The following COL20A1 variants were observed in gnomAD, a reference collection of about 807,000 sequenced individuals.
COL20A1 encodes the protein collagen alpha-1(XX) chain.
A neutral mutation model predicts 152.9 loss-of-function variants in COL20A1; 164 were observed. That is an observed-to-expected ratio of 1.07 (90% CI 0.94 to 1.22). The LOEUF (loss-of-function observed/expected upper bound fraction) is 1.22. COL20A1 is among the 50% of genes most tolerant of loss of function. The probability of loss-of-function intolerance (pLI) is 0.00; values close to 1 mark genes in which losing one functional copy is unlikely to be tolerated. For synonymous variants in COL20A1, 864 were observed against 756.0 expected (o/e 1.14, Z -2.34); for missense variants, 1,873 against 1,744.8 (o/e 1.07, Z -1.31).
Position 63,328,320 on chromosome 20 carries a change from C to T in COL20A1, c.3614-11C>T. 1.9e-6 allele frequency: 3 copies of T among 1,605,768 alleles called. No individual in the cohort carries two copies. The highest frequency in any genetic ancestry group is 1.3e-5 in the African/African-American group (1 of 74,926). On this transcript the variant is annotated splice_polypyrimidine_tract_variant and intron_variant, in intron 33 of 35. Transcript: ENST00000358894. ...CCCACTGTGTCCTGCTGACACCCCT[C>T]CTCCCCACAGCACACGTGTCAAAGT...
chr20:63,319,310 G>GC lies in COL20A1; in HGVS notation c.2806+111dup. On this transcript the variant is annotated intron_variant, in intron 22 of 35. Transcript: ENST00000358894. The surrounding 1 kb of genome is among the most constrained non-coding windows in gnomAD (Gnocchi z 4.4). ...GTCCAGCCTCCAGGCCAGGCCCTCA[G>GC]CACCCTCTGGGTGGGAGGCAGGTGT... 7.9e-7 allele frequency: 1 copy of GC among 1,265,958 alleles called. No individual in the cohort carries two copies. Among genetic ancestry groups the GC allele is most frequent in the Non-Finnish European group, 1.1e-6 (1 of 919,746 alleles). The allele number at this position is 1,265,958 out of a possible 1,614,324, so 78.4% of individuals were successfully genotyped here.
intron 2 of COL20A1, among the ~76,000 whole-genome samples, chr20:63,297,275 TAGCTC>T (rs1216047608): frequency 7.3e-6 from 1 of 137,538 alleles, no homozygotes; most frequent in South Asian, 2.4e-4. Context: ...CCAGGGGACT[TAGCTC>T]AGGGGACCCA....
rs1399293689 is a variant in COL20A1 at position 63,319,595 on chromosome 20, A to G, written c.2915A>G (p.Lys972Arg). 1 of 1,570,258 alleles carries G rather than the reference A, an allele frequency of 6.4e-7. No individual in the cohort carries two copies. ...VRKIFFGSFHKVHVAVGRSKV... is the reference protein window; with the variant it reads ...VRKIFFGSFHRVHVAVGRSKV... ...AAGATTTTCTTCGGGAGCTTCCACA[A>G]GGTCCTGGTGCAGCTCGCGCCCCTC... is the stretch of plus-strand genomic sequence containing the variant. The change falls in exon 23 of 36, where the codon AAG becomes AGG. Residue 972 changes from lysine to arginine, a missense_variant and splice_region_variant. By Grantham distance (26) the Lys-to-Arg change is conservative (BLOSUM62 2). Transcript: ENST00000358894. The surrounding 1 kb of genome is among the most constrained non-coding windows in gnomAD (Gnocchi z 4.4).
chr20:63,327,026 GGGACTTCCTGGTGACAGCCCAT>G (rs1236502738), intron 31 of COL20A1, among the ~76,000 whole-genome samples: 12 of 152,104 alleles, frequency 7.9e-5, no homozygotes, highest in Admixed American at 2.0e-4. Flanking sequence ...GACCCCCCTA[GGGACTTCCTGGTGACAGCCCAT>G]GGACTTCCTG....
intron 34 of COL20A1, among the ~76,000 whole-genome samples, chr20:63,328,945 C>T (rs1427063780): frequency 1.3e-5 from 2 of 152,170 alleles, no homozygotes; most frequent in African/African-American, 2.4e-5. Context: ...TGCTCCTCCT[C>T]CTCTGAGGCA....
Position 63,326,823 on chromosome 20 carries a change from A to G in COL20A1, c.3528A>G (p.Thr1176=). Residue 1176 remains threonine, a splice_region_variant and synonymous_variant, in exon 31 of 36, where the codon ACA becomes ACG. Transcript: ENST00000358894. ...ERGPPGTVGP[T]GLPGPKGERG... Reference sequence around the variant, plus strand: ...GACCTCCAGGGACCGTGGGGCCCACAGTAAGTGCATTTCCAACACCCACCA... The same window carrying G: ...GACCTCCAGGGACCGTGGGGCCCACGGTAAGTGCATTTCCAACACCCACCA... 2 of 1,499,282 alleles carry G rather than the reference A, an allele frequency of 1.3e-6. No individual in the cohort carries two copies. The highest frequency in any genetic ancestry group is 1.8e-6 in the Non-Finnish European group (2 of 1,135,766). The allele number at this position is 1,499,282 out of a possible 1,614,324, so 92.9% of individuals were successfully genotyped here.
chr20:63,294,560 C>T (rs926457558), intron 1 of COL20A1, among the ~76,000 whole-genome samples: 19 of 152,222 alleles, frequency 1.2e-4, no homozygotes, highest in African/African-American at 4.6e-4. Flanking sequence ...CCCCGGCTGG[C>T]GTCCCCCAGA....
rs763108092 is a variant in COL20A1 at position 63,320,092 on chromosome 20, G to A, written c.2970G>A (p.Lys990=). The A allele has an allele frequency of 1.0e-5, 16 of 1,554,886 alleles. No homozygotes were observed. The highest frequency in any genetic ancestry group is 1.2e-5 in the Non-Finnish European group (14 of 1,150,090). The change falls in exon 24 of 36, where the codon AAG becomes AAA. Residue 990 remains lysine, a synonymous_variant. Coordinates refer to ENST00000358894, the MANE Select transcript of COL20A1 (RefSeq NM_020882.4). The stretch of plus-strand genomic sequence containing the variant: ...TCAGGCTCTATGTGGACTGCCGGAA[G>A]GTGGCTGAGCGGCCCCTTGGGGAGA... The part of the protein sequence containing the change: ...SKVRLYVDCR[K]VAERPLGEMG...
Position 63,319,622 on chromosome 20 carries a change from C to T in COL20A1, c.2916+26C>T. 3 of 1,486,888 alleles carry T rather than the reference C, an allele frequency of 2.0e-6. No homozygotes were observed. Among genetic ancestry groups the T allele is most frequent in the Middle Eastern group, 1.8e-4 (1 of 5,548 alleles). 92.1% of individuals were successfully genotyped at this position (1,486,888 alleles called of 1,614,324 possible). On this transcript the variant is annotated intron_variant, in intron 23 of 35. Transcript: ENST00000358894. The surrounding 1 kb of genome is among the most constrained non-coding windows in gnomAD (Gnocchi z 4.4). ...GTCCTGGTGCAGCTCGCGCCCCTCT[C>T]CCCCGTTCCCCCAGCTCTGGGGCAG...
At position 63,307,854 on chromosome 20, in the gene COL20A1, A is replaced by G. The variant is rs190685908; in HGVS notation, c.656-117A>G. ...AGCGTCCTCTCCCTGGGGACTGGCTACTGTGGCCAGGTGACCCCACAGAGG... is the reference window on the plus strand; with the variant it reads ...AGCGTCCTCTCCCTGGGGACTGGCTGCTGTGGCCAGGTGACCCCACAGAGG... On this transcript the variant is annotated intron_variant, in intron 6 of 35. Transcript: ENST00000358894. The G allele has an allele frequency of 3.1e-3, 4,109 of 1,319,914 alleles. 9 individuals are homozygous for G. The highest frequency in any genetic ancestry group is 3.6e-3 in the Non-Finnish European group (3,391 of 953,788). 81.8% of individuals were successfully genotyped at this position (1,319,914 alleles called of 1,614,324 possible).
In COL20A1 at chr20:63,312,927, C is replaced by A; in HGVS notation, c.2069C>A (p.Ala690Asp). 6.4e-7 allele frequency: 1 copy of A among 1,551,734 alleles called. No individual in the cohort carries two copies. Among genetic ancestry groups the A allele is most frequent in the Non-Finnish European group, 8.7e-7 (1 of 1,146,364 alleles). ...ITWTPLGEGKAHEISVPGNLG... is the reference protein window; with the variant it reads ...ITWTPLGEGKDHEISVPGNLG... ...TGGACGCCCCTGGGAGAGGGGAAGG[C>A]TCACGAGGTGGGCAGGGGTGGGTTT... is the stretch of plus-strand genomic sequence containing the variant. Residue 690 changes from alanine (A) to aspartate (D), a missense_variant, in exon 16 of 36, where the codon GCT becomes GAT. By Grantham distance (126) the Ala-to-Asp change is moderately radical. Transcript: ENST00000358894.
Position 63,329,569 on chromosome 20 carries a change from C to T in COL20A1, c.3782-16C>T, listed in dbSNP as rs2068304302. The stretch of plus-strand genomic sequence containing the variant: ...CTGCATTGCTCCGTCCTCACATGCC[C>T]TCCCTTTCCTCGCAGGGGAGCCTGG... On this transcript the variant is annotated splice_polypyrimidine_tract_variant and intron_variant, in intron 34 of 35. Coordinates refer to ENST00000358894, the MANE Select transcript of COL20A1 (RefSeq NM_020882.4). 3 of 1,606,296 alleles carry T rather than the reference C, an allele frequency of 1.9e-6. No homozygotes were observed. The highest frequency in any genetic ancestry group is 2.2e-5 in the East Asian group (1 of 44,650).
intron 29 of COL20A1, 114 bp downstream of exon 29, chr20:63,325,835 C>T (rs992028144): frequency 3.3e-5 from 32 of 981,298 alleles, no homozygotes; most frequent in Non-Finnish European, 4.8e-5. Flanking sequence ...TTCTCCTGGG[C>T]TCCTGCCTCA....
rs1380750989 is a variant in COL20A1 at position 63,317,145 on chromosome 20, C to CGTGACCA, written c.2663+454_2663+455insGTGACCA. 2.6e-5 allele frequency among the ~76,000 whole-genome samples: 4 copies of CGTGACCA among 152,076 alleles called. No individual in the cohort carries two copies. The South Asian group carries it at 6.2e-4, about 24-fold the overall frequency. On this transcript the variant is annotated intron_variant, in intron 21 of 35. Transcript: ENST00000358894. ...AACAGTTGTTCATCGTGACCCTGAA[C>CGTGACCA]TGTGATATAAGCTGCATGACAGTTT...
chr20:63,309,381 C>G lies in COL20A1; in HGVS notation c.989C>G (p.Pro330Arg). 1 of 1,548,902 alleles carries G rather than the reference C, an allele frequency of 6.5e-7. No individual in the cohort carries two copies. The highest frequency in any genetic ancestry group is 8.7e-7 in the Non-Finnish European group (1 of 1,143,148). The part of the protein sequence containing the change: ...EAELRLLASP[P>R]RDITVHSVLD... Reference sequence around the variant, plus strand: ...GAGCTGAGGCTCCTGGCGTCCCCGCCGAGGGACATCACCGTCCACAGCGTG... The same window carrying G: ...GAGCTGAGGCTCCTGGCGTCCCCGCGGAGGGACATCACCGTCCACAGCGTG... The change falls in exon 9 of 36, where the codon CCG becomes CGG. Residue 330 changes from proline (P) to arginine (R), a missense_variant. By Grantham distance (103) the Pro-to-Arg change is moderately radical. Coordinates refer to ENST00000358894, the MANE Select transcript of COL20A1 (RefSeq NM_020882.4).
rs768048236 is a variant in COL20A1 at position 63,311,972 on chromosome 20, C to T, written c.1720C>T (p.Arg574Ter). The T allele has an allele frequency of 1.0e-5, 16 of 1,600,792 alleles. No individual in the cohort carries two copies. Among genetic ancestry groups the T allele is most frequent in the Non-Finnish European group, 1.3e-5 (15 of 1,175,376 alleles). The part of the protein sequence containing the change: ...GFSDVSHDAA[R>*]VFWEGAPRPV... ...CTCAGACGTGAGCCACGACGCGGCA[C>T]GAGTGTTCTGGGAGGGTGCCCCGAG... is the stretch of plus-strand genomic sequence containing the variant. The change falls in exon 14 of 36, where the codon CGA (arginine) becomes TGA (stop). Residue 574 changes from arginine (R) to a stop codon, truncating the protein, a stop_gained. Transcript: ENST00000358894. LOFTEE classifies it high-confidence loss of function. The surrounding 1 kb of genome is among the most constrained non-coding windows in gnomAD (Gnocchi z 4.4).
chr20:63,325,441 G>A lies in COL20A1; in HGVS notation c.3295G>A (p.Gly1099Ser). Residue 1099 changes from glycine (G) to serine (S), a missense_variant and splice_region_variant, in exon 28 of 36, where the codon GGT (glycine) becomes AGT (serine). Coordinates refer to ENST00000358894, the MANE Select transcript of COL20A1 (RefSeq NM_020882.4). ...TGTCCAGCCCATCTTCCCCCTCCAGGGTCCACCAGGGGTCAAAGGAGAGAA... is the reference window on the plus strand; with the variant it reads ...TGTCCAGCCCATCTTCCCCCTCCAGAGTCCACCAGGGGTCAAAGGAGAGAA... ...PGEQGFPGPR[G>S]PPGVKGEKGD... is the part of the protein sequence containing the mutation. 3 of 1,612,326 alleles carry A rather than the reference G, an allele frequency of 1.9e-6. No individual in the cohort carries two copies. The highest frequency in any genetic ancestry group is 1.7e-6 in the Non-Finnish European group (2 of 1,179,028).
At position 63,314,110 on chromosome 20, in the gene COL20A1, C is replaced by T. The variant is rs374730380; in HGVS notation, c.2397C>T (p.Pro799=). The T allele has an allele frequency of 7.6e-5, 122 of 1,612,448 alleles. 1 individual carries two copies. In the Middle Eastern group the frequency reaches 3.5e-3, roughly 46 times the overall value. ...VPGARSHVTL[P]DLQAATKYRV... ...GAGCCAGGAGCCACGTGACACTGCC[C>T]GACCTGCAGGCAGCCACGAAGTACA... is the stretch of plus-strand genomic sequence containing the variant. Residue 799 remains proline, a synonymous_variant, in exon 19 of 36, where the codon CCC becomes CCT. Coordinates refer to ENST00000358894, the MANE Select transcript of COL20A1 (RefSeq NM_020882.4).
chr20:63,305,918 C>A lies in COL20A1; in HGVS notation c.375C>A (p.Ser125Arg), dbSNP rs764834624. Reference protein sequence around the residue: ...DLKSSSLDRSSQRPLGSGAPE... With the variant: ...DLKSSSLDRSRQRPLGSGAPE... ...AGAGTAGCTCCCTGGACAGGAGCAG[C>A]CAGAGGCCCCTCGGCTCTGGAGCCC... The change falls in exon 5 of 36, where the codon AGC becomes AGA. Residue 125 changes from serine to arginine, a missense_variant. Transcript: ENST00000358894. The surrounding 1 kb of genome is among the most constrained non-coding windows in gnomAD (Gnocchi z 4.9). The A allele has an allele frequency of 2.2e-5, 35 of 1,612,800 alleles. No individual in the cohort carries two copies. The highest frequency in any genetic ancestry group is 2.9e-5 in the Non-Finnish European group (34 of 1,179,824).
Sources: gnomAD v4.1 joint callset for allele counts (sites outside exome capture counted in the v4.1 genomes callset) on GRCh38, gnomAD v4.1.1 for gene constraint, Gnocchi (gnomAD v3.1) non-coding constraint, MANE v1.5 for transcripts, NCBI Gene and HGNC (gene_info 2026-07-23, HGNC 2026-07-21) for gene names.